Variants in GOLGA4 observed in about 807,000 individuals in gnomAD.
GOLGA4 encodes golgin subfamily A member 4.
In GOLGA4, 169 loss-of-function variants were observed where a neutral mutation model predicts 265.9. The ratio of observed to expected loss-of-function variants is 0.64; its 90% CI spans 0.56 to 0.72. GOLGA4 has a LOEUF of 0.72. Ranked by LOEUF, GOLGA4 falls within the 30% of genes least tolerant of loss-of-function variation. The pLI is 0.00. For synonymous variants in GOLGA4, 923 were observed against 855.8 expected (o/e 1.08, Z -1.37); for missense variants, 2,482 against 2,483.4 (o/e 1.00, Z 0.01).
At chr3:37,343,884 T>C (rs1472963557) in intron 20 of GOLGA4, among the ~76,000 whole-genome samples, 2 of 152,376 alleles carry the variant, frequency 1.3e-5, no homozygotes, top group Admixed American at 6.5e-5. Context: ...CCAGGTGTGA[T>C]CCATCACTTT....
Position 37,298,849 on chromosome 3 carries a change from T to G in GOLGA4, c.831T>G (p.Ser277=), listed in dbSNP as rs532242237. 18 of 1,605,500 alleles carry G rather than the reference T, an allele frequency of 1.1e-5. 1 individual carries two copies. In the South Asian group the frequency reaches 2.0e-4, roughly 18 times the overall value. ...DGEPVVEDGT[S]VKTLETLQQR... Reference sequence around the variant, plus strand: ...TATTGTTAGTGGAAGATGGAACTTCTGTAAAAACACTGGAAACACTCCAGC... The same window carrying G: ...TATTGTTAGTGGAAGATGGAACTTCGGTAAAAACACTGGAAACACTCCAGC... The change falls in exon 8 of 24, where the codon TCT becomes TCG. Residue 277 remains serine, a synonymous_variant. Coordinates refer to ENST00000361924, the MANE Select transcript of GOLGA4 (RefSeq NM_002078.5).
chr3:37,278,993 TAAAC>T (rs2150754723), intron 2 of GOLGA4, among the ~76,000 whole-genome samples: 1 of 152,180 alleles, frequency 6.6e-6, no homozygotes, highest in African/African-American at 2.4e-5. Context: ...ACCTTTATTT[TAAAC>T]AAATTTCTGA....
At chr3:37,361,825 C>T (rs904519004) in intron 23 of GOLGA4, among the ~76,000 whole-genome samples, 2 of 152,192 alleles carry the variant, frequency 1.3e-5, no homozygotes, top group Non-Finnish European at 2.9e-5. Context: ...TAACACAAGA[C>T]AACACATTTG....
chr3:37,280,224 T>G (rs1228457466), intron 2 of GOLGA4, among the ~76,000 whole-genome samples: 1 of 152,218 alleles, frequency 6.6e-6, no homozygotes, highest in Non-Finnish European at 1.5e-5. Context: ...TGTGAAGTAC[T>G]TATGGGTGAA....
At chr3:37,272,399 T>A (rs1400137713) in intron 2 of GOLGA4, among the ~76,000 whole-genome samples, 1 of 152,094 alleles carries the variant, frequency 6.6e-6, no homozygotes, top group Non-Finnish European at 1.5e-5. Flanking sequence ...TAGCTGGACC[T>A]GGTAATGCAC....
intron 23 of GOLGA4, among the ~76,000 whole-genome samples, chr3:37,363,769 T>TGTCTCC (rs2151098906): frequency 6.6e-6 from 1 of 152,334 alleles, no homozygotes; most frequent in African/African-American, 2.4e-5. Context: ...TTCCAAATAA[T>TGTCTCC]GTCTCCCATA....
intron 2 of GOLGA4, chr3:37,276,421 A>T: frequency 6.2e-7 from 1 of 1,608,944 alleles, no homozygotes; most frequent in Non-Finnish European, 8.5e-7. Context: ...TGACCAAAGA[A>T]GCCATCAGAG....
At chr3:37,306,084 C>T (rs1217579728) in intron 10 of GOLGA4, among the ~76,000 whole-genome samples, 1 of 152,050 alleles carries the variant, frequency 6.6e-6, no homozygotes, top group Non-Finnish European at 1.5e-5. Context: ...AAGAATAATT[C>T]TGTTATAAAA....
rs2096981788 is a variant in GOLGA4 at position 37,329,106 on chromosome 3, T to C, written c.6192+13T>C. 2 of 1,579,054 alleles carry C rather than the reference T, an allele frequency of 1.3e-6. No homozygotes were observed. Among genetic ancestry groups the C allele is most frequent in the Non-Finnish European group, 1.7e-6 (2 of 1,164,564 alleles). ...AGAAATCCTTGATGTTTGTACCTTA[T>C]TTCTTCTCTCTCACTTTTGAAATTT... On this transcript the variant is annotated intron_variant, in intron 16 of 23. Transcript: ENST00000361924.
intron 11 of GOLGA4, among the ~76,000 whole-genome samples, chr3:37,316,199 C>CTTTTTTTTTTTTTT (rs34521576): frequency 7.2e-6 from 1 of 138,782 alleles, no homozygotes; most frequent in Admixed American, 7.2e-5. Flanking sequence ...TTTTTTTCTG[C>CTTTTTTTTTTTTTT]TTTTTTTTTT....
chr3:37,343,216 G>A (rs1446964924), intron 20 of GOLGA4, among the ~76,000 whole-genome samples: 1 of 152,228 alleles, frequency 6.6e-6, no homozygotes, highest in Admixed American at 6.5e-5. Flanking sequence ...CCACCTCCCG[G>A]GTTCAAGCAA....
At chr3:37,321,703 A>C in intron 12 of GOLGA4, 28 bp from the exon 13 acceptor site, 3 of 1,582,446 alleles carry the variant, frequency 1.9e-6, no homozygotes, top group Non-Finnish European at 1.7e-6. Flanking sequence ...ATGTGCGTTT[A>C]AGGTGGTATT....
At chr3:37,263,191 A>G (rs1306277177) in intron 2 of GOLGA4, among the ~76,000 whole-genome samples, 2 of 152,240 alleles carry the variant, frequency 1.3e-5, no homozygotes, top group African/African-American at 4.8e-5. Flanking sequence ...TCAGTACAGT[A>G]ACAGGATGGA....
intron 21 of GOLGA4, among the ~76,000 whole-genome samples, chr3:37,347,773 C>G (rs2097060722): frequency 6.6e-6 from 1 of 151,978 alleles, no homozygotes; most frequent in Non-Finnish European, 1.5e-5. Context: ...TAAAAATTAC[C>G]CCATGTAAGT....
chr3:37,300,387 A>G (rs2096889507), intron 9 of GOLGA4, among the ~76,000 whole-genome samples: 1 of 152,182 alleles, frequency 6.6e-6, no homozygotes, highest in Admixed American at 6.5e-5. Context: ...AGAACATGTC[A>G]GAGCTGTCCT....
At chr3:37,359,850 C>G (rs1396808669) in intron 22 of GOLGA4, among the ~76,000 whole-genome samples, 3 of 152,256 alleles carry the variant, frequency 2.0e-5, no homozygotes, top group Non-Finnish European at 4.4e-5. Context: ...AAGGTGGGTT[C>G]AGGAAACACA....
chr3:37,313,383 G>T (rs549197824), intron 10 of GOLGA4: 1 of 152,308 alleles, frequency 6.6e-6, no homozygotes, highest in Non-Finnish European at 1.5e-5. Flanking sequence ...AAACCACTGT[G>T]TTAAACCAAA....
At chr3:37,335,008 T>G (rs1210306966) in intron 16 of GOLGA4, 45 bp from the exon 17 acceptor site, 2 of 1,009,800 alleles carry the variant, frequency 2.0e-6, no homozygotes, top group South Asian at 1.5e-5. Flanking sequence ...TACTAATGCT[T>G]CTTTTTTTTC....
chr3:37,321,937 G>A, intron 13 of GOLGA4, 51 bp downstream of exon 13: 1 of 1,469,128 alleles, frequency 6.8e-7, no homozygotes, highest in Non-Finnish European at 9.3e-7. Flanking sequence ...ATTTGCATAT[G>A]AAAATTTGTT....
Sources: allele counts gnomAD v4.1 joint callset (sites outside exome capture counted in the v4.1 genomes callset), GRCh38; gene constraint gnomAD v4.1.1; transcripts MANE v1.5; gene names NCBI Gene and HGNC (gene_info 2026-07-23, HGNC 2026-07-21).